ERP44: variants seen among roughly 807,000 people sequenced by gnomAD.
The protein encoded by ERP44 is endoplasmic reticulum protein 44.
In ERP44, 25 loss-of-function variants were observed where a neutral mutation model predicts 53.4. That is an observed-to-expected ratio of 0.47 (90% CI 0.34 to 0.65). The LOEUF is 0.65. ERP44 is among the 30% of genes least tolerant of loss of function. ERP44 has a pLI of 0.01. For missense variants in ERP44, 338 were observed against 493.2 expected (o/e 0.69, Z 2.98); for synonymous variants, 145 against 161.2 (o/e 0.90, Z 0.76).
chr9:100,009,746 C>T (rs1033712553), intron 8 of ERP44, among the ~76,000 whole-genome samples: 1 of 152,210 alleles, frequency 6.6e-6, no homozygotes, highest in Admixed American at 6.5e-5. Flanking sequence ...TGCTTAATAT[C>T]TCCATTTCAA....
chr9:99,986,728 A>C (rs781548300), intron 10 of ERP44, among the ~76,000 whole-genome samples: 1 of 152,232 alleles, frequency 6.6e-6, no homozygotes, highest in Non-Finnish European at 1.5e-5. Context: ...AGAGACCAGC[A>C]GGTGCCAAAT....
chr9:100,090,525 G>A (rs1232082495), intron 1 of ERP44, among the ~76,000 whole-genome samples: 2 of 152,112 alleles, frequency 1.3e-5, no homozygotes, highest in Non-Finnish European at 2.9e-5. Flanking sequence ...GAGGTAGGTG[G>A]ATCACCTGAG....
At chr9:99,990,044 T>G (rs1388833546) in intron 10 of ERP44, among the ~76,000 whole-genome samples, 1 of 152,218 alleles carries the variant, frequency 6.6e-6, no homozygotes, top group East Asian at 1.9e-4. Flanking sequence ...TACATTTGAC[T>G]GGTGTACCTG....
At chr9:100,076,494 A>G (rs1826357815) in intron 1 of ERP44, among the ~76,000 whole-genome samples, 1 of 152,242 alleles carries the variant, frequency 6.6e-6, no homozygotes. Context: ...CTGCAGCACC[A>G]TAGCCCCTTT....
intron 1 of ERP44, among the ~76,000 whole-genome samples, chr9:100,085,985 ACT>A (rs1370500307): frequency 6.6e-6 from 1 of 152,046 alleles, no homozygotes; most frequent in Non-Finnish European, 1.5e-5. Flanking sequence ...AGTATAATCT[ACT>A]CTTTCCTTAC....
At chr9:100,062,034 T>A (rs970220005) in intron 1 of ERP44, among the ~76,000 whole-genome samples, 1 of 152,152 alleles carries the variant, frequency 6.6e-6, no homozygotes, top group African/African-American at 2.4e-5. Flanking sequence ...AAGACCCCGC[T>A]AAGAGACGTA....
At chr9:100,025,583 ACT>A (rs966286355) in intron 4 of ERP44, among the ~76,000 whole-genome samples, 2 of 152,058 alleles carry the variant, frequency 1.3e-5, no homozygotes, top group African/African-American at 4.8e-5. Flanking sequence ...ATGCTTAAAC[ACT>A]CTTAGCAAAC....
At chr9:100,005,366 G>A (rs567176556) in intron 10 of ERP44, among the ~76,000 whole-genome samples, 1 of 152,226 alleles carries the variant, frequency 6.6e-6, no homozygotes, top group African/African-American at 2.4e-5. Context: ...TGAATTCTTT[G>A]AGGGCAGGGA....
At chr9:99,992,340 TG>T (rs1830264876) in intron 10 of ERP44, among the ~76,000 whole-genome samples, 1 of 151,840 alleles carries the variant, frequency 6.6e-6, no homozygotes. Context: ...GCTTCATCCC[TG>T]GGATGCAAGG....
intron 10 of ERP44, among the ~76,000 whole-genome samples, chr9:100,002,378 G>A (rs1306815898): frequency 6.6e-6 from 1 of 152,106 alleles, no homozygotes; most frequent in African/African-American, 2.4e-5. Flanking sequence ...ACGTTTTCAT[G>A]TTAGTACTTA....
intron 3 of ERP44, among the ~76,000 whole-genome samples, chr9:100,054,694 A>T (rs2118710578): frequency 6.6e-6 from 1 of 152,308 alleles, no homozygotes; most frequent in East Asian, 1.9e-4. Context: ...ACATTACCAA[A>T]TCTGAAAAAA....
chr9:100,026,360 C>G (rs568638832), intron 4 of ERP44, among the ~76,000 whole-genome samples: 4 of 152,090 alleles, frequency 2.6e-5, no homozygotes, highest in Non-Finnish European at 5.9e-5. Flanking sequence ...TAGGAAGCAT[C>G]TAGACATTAA....
intron 10 of ERP44, among the ~76,000 whole-genome samples, chr9:99,991,471 G>A (rs79842251): frequency 2.0e-5 from 3 of 152,128 alleles, no homozygotes; most frequent in African/African-American, 7.2e-5. Flanking sequence ...AAGCCAATGA[G>A]AACAAAGACA....
At chr9:100,032,161 ATT>A (rs1825799036) in intron 4 of ERP44, among the ~76,000 whole-genome samples, 1 of 151,934 alleles carries the variant, frequency 6.6e-6, no homozygotes, top group Non-Finnish European at 1.5e-5. Flanking sequence ...GGGACCCTTA[ATT>A]TGGGGGATCT....
chr9:100,038,299 T>C (rs949455670), intron 4 of ERP44, among the ~76,000 whole-genome samples: 1 of 151,992 alleles, frequency 6.6e-6, no homozygotes, highest in African/African-American at 2.4e-5. Flanking sequence ...CAACAACTTT[T>C]CAAGACAAAA....
Position 100,063,075 on chromosome 9 carries a change from C to CAAAAA in ERP44, c.58-2908_58-2904dup, listed in dbSNP as rs58004954. 3.8e-3 allele frequency among the ~76,000 whole-genome samples: 154 copies of CAAAAA among 40,072 alleles called. 20 individuals are homozygous for CAAAAA. The highest frequency in any genetic ancestry group is 5.3e-3 in the East Asian group (4 of 756). The allele number at this position is 40,072 out of a possible 152,430, so 26.3% of individuals were successfully genotyped here. ...GATGACAGAACAGGACCCTGTCTCA[C>CAAAAA]AAAAAAAAAAAAAAAAAAGAGAGAG... On this transcript the variant is annotated intron_variant, in intron 1 of 11. Transcript: ENST00000262455.
intron 1 of ERP44, among the ~76,000 whole-genome samples, chr9:100,079,709 G>C (rs375065494): frequency 6.6e-6 from 1 of 152,122 alleles, no homozygotes; most frequent in African/African-American, 2.4e-5. Context: ...GCAGAGGCAG[G>C]AGGATCTTGA....
At chr9:100,085,590 T>C (rs1038292254) in intron 1 of ERP44, among the ~76,000 whole-genome samples, 2 of 152,242 alleles carry the variant, frequency 1.3e-5, no homozygotes, top group East Asian at 3.8e-4. Context: ...TGAAACTGCA[T>C]AACTACCAAT....
chr9:100,067,340 G>A (rs1200023047), intron 1 of ERP44, among the ~76,000 whole-genome samples: 1 of 151,568 alleles, frequency 6.6e-6, no homozygotes, highest in African/African-American at 2.4e-5. Flanking sequence ...GCAGGCGCGC[G>A]CCGCCGCGCC....
Sources: allele counts gnomAD v4.1 joint callset (sites outside exome capture counted in the v4.1 genomes callset), GRCh38; gene constraint gnomAD v4.1.1; transcripts MANE v1.5; gene names NCBI Gene and HGNC (gene_info 2026-07-23, HGNC 2026-07-21).